The following GABRA2 variants were observed in gnomAD, a reference collection of about 807,000 sequenced individuals.
GABRA2 encodes gamma-aminobutyric acid receptor subunit alpha-2.
GABRA2 carries 16 observed loss-of-function variants against 48.7 expected under a neutral mutation model. That is an observed-to-expected ratio of 0.33 (90% confidence interval 0.22 to 0.50). The LOEUF (loss-of-function observed/expected upper bound fraction) is 0.50, where lower values mean the gene tolerates loss of function less well. Ranked by LOEUF, GABRA2 falls within the 20% of genes least tolerant of loss-of-function variation. The probability of loss-of-function intolerance (pLI) is 0.98; values close to 1 mark genes in which losing one functional copy is unlikely to be tolerated. For synonymous variants in GABRA2, 185 were observed against 184.5 expected, an observed-to-expected ratio of 1.00 and a Z score of -0.02; for missense variants, 275 against 535.6, an observed-to-expected ratio of 0.51 and a Z score of 4.80.
chr4:46,326,878 A>C (rs1465423767), intron 4 of GABRA2, among the ~76,000 whole-genome samples: 5 of 151,908 alleles, frequency 3.3e-5, no homozygotes, highest in Non-Finnish European at 5.9e-5. Context: ...AGACAAACAA[A>C]ACTTTTCCTG....
intron 3 of GABRA2, chr4:46,368,493 T>C (rs1714395874): frequency 6.5e-6 from 1 of 154,014 alleles, no homozygotes; most frequent in African/African-American, 2.4e-5. Flanking sequence ...GTTTGGACCA[T>C]GTGCATCAGA....
At chr4:46,315,815 C>T (rs1426631915) in intron 4 of GABRA2, among the ~76,000 whole-genome samples, 5 of 151,830 alleles carry the variant, frequency 3.3e-5, no homozygotes, top group Non-Finnish European at 7.4e-5. Flanking sequence ...CATCACAAAT[C>T]TTATTGAAGC....
chr4:46,330,591 T>TATATATATATAG (rs1411755120), intron 4 of GABRA2, among the ~76,000 whole-genome samples: 2 of 122,696 alleles, frequency 1.6e-5, no homozygotes, highest in East Asian at 3.1e-4. Flanking sequence ...TATATATATA[T>TATATATATATAG]AGAGAGAGAG....
intron 2 of GABRA2, chr4:46,386,654 G>A (rs1011577385): frequency 6.5e-6 from 1 of 153,952 alleles, no homozygotes; most frequent in Non-Finnish European, 1.4e-5. Context: ...TCTCATAAGT[G>A]TCTTTCTTTT....
chr4:46,385,341 G>A (rs1717301607), intron 3 of GABRA2, among the ~76,000 whole-genome samples: 1 of 151,730 alleles, frequency 6.6e-6, no homozygotes, highest in Non-Finnish European at 1.5e-5. Flanking sequence ...AGTGATAAAT[G>A]TGATCATTAA....
At chr4:46,330,675 C>A (rs1731204160) in intron 4 of GABRA2, among the ~76,000 whole-genome samples, 1 of 150,588 alleles carries the variant, frequency 6.6e-6, no homozygotes, top group African/African-American at 2.4e-5. Flanking sequence ...GTAACTGCTA[C>A]TACTGAAATT....
intron 3 of GABRA2, among the ~76,000 whole-genome samples, chr4:46,371,582 T>C (rs1348536187): frequency 2.1e-5 from 3 of 145,920 alleles, no homozygotes; most frequent in Non-Finnish European, 3.0e-5. Context: ...CTACATACCA[T>C]GTATAGATAT....
intron 8 of GABRA2, among the ~76,000 whole-genome samples, chr4:46,287,546 G>A (rs984164178): frequency 1.0e-4 from 15 of 145,050 alleles, no homozygotes; most frequent in African/African-American, 3.1e-4. Context: ...ACCAAACACC[G>A]CATATTCTCA....
intron 4 of GABRA2, among the ~76,000 whole-genome samples, chr4:46,327,340 T>C (rs1042817896): frequency 1.3e-5 from 2 of 151,940 alleles, no homozygotes; most frequent in Non-Finnish European, 1.5e-5. Flanking sequence ...AATCTAAGTA[T>C]CTATAAATCA....
chr4:46,365,593 T>C (rs751658583), intron 3 of GABRA2: 9 of 152,264 alleles, frequency 5.9e-5, no homozygotes, highest in Admixed American at 3.3e-4. Context: ...TACAGGAACA[T>C]TACAAATAAT....
intron 3 of GABRA2, among the ~76,000 whole-genome samples, chr4:46,334,300 T>C (rs1731846861): frequency 6.6e-6 from 1 of 152,124 alleles, no homozygotes; most frequent in South Asian, 2.1e-4. Flanking sequence ...CATCACAAAT[T>C]ATGTAGCTGA....
chr4:46,327,128 A>G (rs146552086), intron 4 of GABRA2, among the ~76,000 whole-genome samples: 3 of 152,012 alleles, frequency 2.0e-5, no homozygotes, highest in African/African-American at 7.2e-5. Context: ...CCTTTAATAT[A>G]AATTATTGGA....
At chr4:46,354,390 C>CA (rs1412293054) in intron 3 of GABRA2, among the ~76,000 whole-genome samples, 8 of 152,046 alleles carry the variant, frequency 5.3e-5, no homozygotes, top group Admixed American at 1.3e-4. Flanking sequence ...AAGTAATTAT[C>CA]AAAAAATATG....
intron 9 of GABRA2, among the ~76,000 whole-genome samples, chr4:46,259,192 T>C (rs1716448080): frequency 1.3e-5 from 2 of 151,736 alleles, no homozygotes; most frequent in Admixed American, 6.6e-5. Context: ...ATGAAAGAAT[T>C]TGTATTGAGC....
chr4:46,303,354 G>C, intron 8 of GABRA2, 106 bp downstream of exon 8: 1 of 1,119,118 alleles, frequency 8.9e-7, no homozygotes, highest in Middle Eastern at 2.0e-4. Flanking sequence ...AATACTCCCC[G>C]CCCCACCTAC....
intron 3 of GABRA2, among the ~76,000 whole-genome samples, chr4:46,372,261 C>T (rs574619533): frequency 6.6e-6 from 1 of 152,228 alleles, no homozygotes; most frequent in South Asian, 2.1e-4. Context: ...CCAAGCAGGA[C>T]ACTAATTTCC....
chr4:46,338,743 G>T (rs539721015), intron 3 of GABRA2, among the ~76,000 whole-genome samples: 19 of 151,906 alleles, frequency 1.3e-4, no homozygotes, highest in Admixed American at 9.2e-4. Flanking sequence ...CCTATCCATA[G>T]ATGTTTTTTC....
chr4:46,348,173 A>G lies in GABRA2; in HGVS notation c.188-15491T>C, dbSNP rs372066555. Among the ~76,000 whole-genome samples the G allele has an allele frequency of 2.6e-5, 4 of 152,262 alleles. No homozygotes were observed. The East Asian group carries it at 7.8e-4, about 30-fold the overall frequency. Reference sequence around the variant, plus strand: ...TATGCAGCCAAAAGTCACATGAAAAAATGCTCATCATCACTGGCCATCAGA... The same window carrying G: ...TATGCAGCCAAAAGTCACATGAAAAGATGCTCATCATCACTGGCCATCAGA... On this transcript the variant is annotated intron_variant, in intron 3 of 9. Coordinates refer to ENST00000381620, the MANE Select transcript of GABRA2 (RefSeq NM_000807.4).
chr4:46,297,237 A>G (rs2109581042), intron 8 of GABRA2, among the ~76,000 whole-genome samples: 1 of 152,102 alleles, frequency 6.6e-6, no homozygotes, highest in Non-Finnish European at 1.5e-5. Context: ...GGAAGAAACC[A>G]TCTAATCAGC....
Sources: allele counts gnomAD v4.1 joint callset (sites outside exome capture counted in the v4.1 genomes callset), GRCh38; gene constraint gnomAD v4.1.1; transcripts MANE v1.5; gene names NCBI Gene and HGNC (gene_info 2026-07-23, HGNC 2026-07-21).